ATG10: variants seen among roughly 807,000 people sequenced by gnomAD.
ATG10 encodes autophagy related 10, also known as ubiquitin-like-conjugating enzyme ATG10.
ATG10 carries 30 observed loss-of-function variants against 32.1 expected under a neutral mutation model. That is an observed-to-expected ratio of 0.94 (90% CI 0.70 to 1.27). ATG10 has a LOEUF of 1.27. Among genes scored for constraint, ATG10 ranks in the 50% most tolerant of loss-of-function variants. The pLI, the probability that ATG10 is intolerant of heterozygous loss-of-function variation, is 0.00. For missense variants in ATG10, 233 were observed against 262.3 expected, an observed-to-expected ratio of 0.89 and a Z score of 0.77; for synonymous variants, 87 against 91.5, an observed-to-expected ratio of 0.95 and a Z score of 0.28.
chr5:82,047,520 G>A (rs1013417472), intron 2 of ATG10, among the ~76,000 whole-genome samples: 5 of 152,162 alleles, frequency 3.3e-5, no homozygotes, highest in South Asian at 4.1e-4. Context: ...AAAAACTTGC[G>A]TTTGATAAAC....
At chr5:82,171,376 A>G (rs1388738739) in intron 4 of ATG10, among the ~76,000 whole-genome samples, 1 of 152,246 alleles carries the variant, frequency 6.6e-6, no homozygotes, top group Non-Finnish European at 1.5e-5. Flanking sequence ...AGACAAATAT[A>G]TAACATTTTA....
intron 3 of ATG10, among the ~76,000 whole-genome samples, chr5:82,133,065 T>C (rs771884416): frequency 1.4e-4 from 21 of 152,220 alleles, no homozygotes; most frequent in Non-Finnish European, 2.1e-4. Context: ...TTAATATCCT[T>C]CACCCACTTT....
At chr5:82,085,380 A>G (rs930016087) in intron 3 of ATG10, among the ~76,000 whole-genome samples, 3 of 151,336 alleles carry the variant, frequency 2.0e-5, no homozygotes, top group African/African-American at 4.8e-5. Context: ...CACAATAATA[A>G]TGGGAGACTT....
chr5:82,128,194 G>T (rs1766358561), intron 3 of ATG10, among the ~76,000 whole-genome samples: 1 of 151,298 alleles, frequency 6.6e-6, no homozygotes, highest in Non-Finnish European at 1.5e-5. Flanking sequence ...TTGCACGTGA[G>T]ATGGGTCTCC....
chr5:82,110,829 A>T (rs922409326), intron 3 of ATG10, among the ~76,000 whole-genome samples: 2 of 151,756 alleles, frequency 1.3e-5, no homozygotes, highest in Non-Finnish European at 2.9e-5. Context: ...TCAATTTTGT[A>T]TGCCTGTTAT....
At chr5:82,068,860 A>G (rs1764030429) in intron 3 of ATG10, among the ~76,000 whole-genome samples, 3 of 150,580 alleles carry the variant, frequency 2.0e-5, no homozygotes, top group African/African-American at 4.9e-5. Context: ...TGTTGACTTT[A>G]TAATCGAATC....
At chr5:82,065,334 C>T (rs1483266942) in intron 3 of ATG10, among the ~76,000 whole-genome samples, 1 of 151,858 alleles carries the variant, frequency 6.6e-6, no homozygotes, top group Non-Finnish European at 1.5e-5. Flanking sequence ...TAAAAAAATA[C>T]AAAAATTAGC....
chr5:82,179,939 T>C (rs777322377), intron 5 of ATG10, among the ~76,000 whole-genome samples: 6 of 152,098 alleles, frequency 3.9e-5, no homozygotes, highest in Non-Finnish European at 8.8e-5. Context: ...CCCCTCAAAT[T>C]AATCTTTTCT....
intron 4 of ATG10, among the ~76,000 whole-genome samples, chr5:82,165,237 G>A (rs62365414): frequency 6.6e-6 from 1 of 152,128 alleles, no homozygotes; most frequent in Non-Finnish European, 1.5e-5. Context: ...CCAGGCCCAG[G>A]GACCAAGATG....
At chr5:82,133,989 A>G (rs1419448412) in intron 3 of ATG10, among the ~76,000 whole-genome samples, 2 of 143,062 alleles carry the variant, frequency 1.4e-5, no homozygotes, top group African/African-American at 5.3e-5. Flanking sequence ...GCAATTGTGA[A>G]TGTGAGTTTG....
chr5:82,136,917 T>C (rs865888981), intron 3 of ATG10, among the ~76,000 whole-genome samples: 61 of 152,254 alleles, frequency 4.0e-4, no homozygotes, highest in Middle Eastern at 6.8e-3. Context: ...TCCTTTTCAT[T>C]CTTTTTCTCT....
intron 3 of ATG10, among the ~76,000 whole-genome samples, chr5:82,108,437 G>C (rs1299557848): frequency 6.6e-6 from 1 of 151,510 alleles, no homozygotes; most frequent in Non-Finnish European, 1.5e-5. Flanking sequence ...TAATATTTAT[G>C]TACATATCAT....
intron 2 of ATG10, among the ~76,000 whole-genome samples, chr5:82,040,517 A>C (rs1341548860): frequency 6.6e-6 from 1 of 152,246 alleles, no homozygotes; most frequent in Non-Finnish European, 1.5e-5. Flanking sequence ...TACTGTTTGA[A>C]TTCTCAGGGG....
chr5:82,090,766 A>G (rs1485762836), intron 3 of ATG10, among the ~76,000 whole-genome samples: 3 of 152,190 alleles, frequency 2.0e-5, no homozygotes, highest in African/African-American at 4.8e-5. Context: ...AGATGTTGCC[A>G]TTGGGAGAAA....
intron 3 of ATG10, among the ~76,000 whole-genome samples, chr5:82,119,667 G>A (rs955129946): frequency 2.0e-5 from 3 of 152,028 alleles, no homozygotes; most frequent in African/African-American, 4.8e-5. Context: ...CAGCATGTTG[G>A]CCAGGCTGGT....
intron 5 of ATG10, among the ~76,000 whole-genome samples, chr5:82,200,515 G>A (rs1202504748): frequency 1.8e-5 from 1 of 56,232 alleles, no homozygotes; most frequent in Non-Finnish European, 3.2e-5. Flanking sequence ...TGACTCTTTT[G>A]TCCAGGCTGG....
intron 3 of ATG10, among the ~76,000 whole-genome samples, chr5:82,130,462 G>A (rs946591955): frequency 6.6e-6 from 1 of 152,134 alleles, no homozygotes. Context: ...TGAAACCCAG[G>A]GCTCTGGTGG....
intron 5 of ATG10, among the ~76,000 whole-genome samples, chr5:82,245,384 C>CCTCA (rs1263463410): frequency 6.6e-6 from 1 of 152,202 alleles, no homozygotes; most frequent in Admixed American, 6.5e-5. Context: ...CGTTAACATG[C>CCTCA]CTCAAATTAC....
At chr5:82,227,152 C>T (rs1199086476) in intron 5 of ATG10, among the ~76,000 whole-genome samples, 3 of 151,970 alleles carry the variant, frequency 2.0e-5, no homozygotes, top group Non-Finnish European at 4.4e-5. Context: ...CTTGTAAAAT[C>T]CATCTGCTTG....
Sources: gnomAD v4.1 joint callset for allele counts (sites outside exome capture counted in the v4.1 genomes callset) on GRCh38, gnomAD v4.1.1 for gene constraint, MANE v1.5 for transcripts, NCBI Gene and HGNC (gene_info 2026-07-23, HGNC 2026-07-21) for gene names.